Variants in HYDIN observed in about 807,000 individuals in gnomAD.
HYDIN encodes axonemal central pair apparatus protein HYDIN.
In HYDIN, 132 loss-of-function variants were observed where a neutral mutation model predicts 403.9. The ratio of observed to expected loss-of-function variants is 0.33; its 90% CI spans 0.28 to 0.38. The LOEUF (loss-of-function observed/expected upper bound fraction) is 0.38, where lower values mean the gene tolerates loss of function less well. Among genes scored for constraint, HYDIN ranks in the 10% least tolerant of loss-of-function variants. HYDIN has a pLI of 1.00. For synonymous variants in HYDIN, 1,202 were observed against 1,891.7 expected (o/e 0.64, Z 9.46); for missense variants, 2,827 against 5,009.5 (o/e 0.56, Z 13.15).
At chr16:70,883,790 C>G (rs2040955546) in intron 59 of HYDIN, 130 bp downstream of exon 59, 1 of 1,147,106 alleles carries the variant, frequency 8.7e-7, no homozygotes, top group East Asian at 2.5e-5. Flanking sequence ...AGGCTGGTCT[C>G]AAACTCCTGA....
chr16:71,218,156 T>C (rs1469268111), intron 1 of HYDIN, among the ~76,000 whole-genome samples: 1 of 152,230 alleles, frequency 6.6e-6, no homozygotes, highest in Non-Finnish European at 1.5e-5. Flanking sequence ...GCTCCTAGAA[T>C]TTAGCAAGCT....
At chr16:71,163,215 C>T (rs1249626243) in intron 5 of HYDIN, among the ~76,000 whole-genome samples, 3 of 151,536 alleles carry the variant, frequency 2.0e-5, no homozygotes, top group Non-Finnish European at 2.9e-5. Context: ...CTCCGCCTCC[C>T]GGGTTCACGC....
At chr16:71,083,758 ACT>A (rs1198144973) in intron 12 of HYDIN, among the ~76,000 whole-genome samples, 4 of 151,296 alleles carry the variant, frequency 2.6e-5, no homozygotes, top group Non-Finnish European at 5.9e-5. Flanking sequence ...TGTGTCATCC[ACT>A]CTCTGTCCAG....
intron 10 of HYDIN, among the ~76,000 whole-genome samples, chr16:71,100,367 C>G (rs2083421258): frequency 1.3e-5 from 2 of 152,116 alleles, no homozygotes; most frequent in Non-Finnish European, 2.9e-5. Context: ...AAAACGCCAG[C>G]AGGTAGAATT....
intron 23 of HYDIN, among the ~76,000 whole-genome samples, chr16:71,017,800 T>C: frequency 6.6e-6 from 1 of 152,050 alleles, no homozygotes; most frequent in Non-Finnish European, 1.5e-5. Context: ...AAAATAATAA[T>C]TTAAACAATT....
Position 70,978,905 on chromosome 16 carries a change from C to A in HYDIN, c.4638+9G>T, listed in dbSNP as rs1238555818. On this transcript the variant is annotated intron_variant, in intron 30 of 85. Transcript: ENST00000393567. Reference sequence around the variant, plus strand: ...CACAGGCGTCCCGTGCAGGCTGGAGCTGTCTTACCTCAGCAGGCTCGTCTT... The same window carrying A: ...CACAGGCGTCCCGTGCAGGCTGGAGATGTCTTACCTCAGCAGGCTCGTCTT... 1 of 1,612,406 alleles carries A rather than the reference C, an allele frequency of 6.2e-7. No homozygotes were observed. The highest frequency in any genetic ancestry group is 1.3e-5 in the African/African-American group (1 of 74,892).
intron 18 of HYDIN, among the ~76,000 whole-genome samples, chr16:71,032,301 C>CTT (rs1434179327): frequency 1.7e-5 from 2 of 119,468 alleles, no homozygotes; most frequent in African/African-American, 5.9e-5. Flanking sequence ...TTTATTTTTC[C>CTT]TTTTTGTTTT....
In HYDIN at chr16:71,171,403, T is replaced by C. The variant is rs540761087; in HGVS notation, c.516+4204A>G. ...ATTTCTGACATTAAATTGTATATAT[T>C]TGTTTGTTTGTTTATTCATTGTGAA... On this transcript the variant is annotated intron_variant, in intron 5 of 85. Coordinates refer to ENST00000393567, the MANE Select transcript of HYDIN (RefSeq NM_001270974.2). 2.6e-5 allele frequency among the ~76,000 whole-genome samples: 4 copies of C among 152,314 alleles called. No homozygotes were observed. The South Asian group carries it at 8.3e-4, about 32-fold the overall frequency.
In HYDIN at chr16:71,024,133, C is replaced by T. The variant is rs567849745; in HGVS notation, c.3186+1250G>A. On this transcript the variant is annotated intron_variant, in intron 21 of 85. Transcript: ENST00000393567. ...CATTCAGTGGCCAGCATGATGGTTTCAGTGAATCTGACCATGTCACTCCCT... is the reference window on the plus strand; with the variant it reads ...CATTCAGTGGCCAGCATGATGGTTTTAGTGAATCTGACCATGTCACTCCCT... Among the ~76,000 whole-genome samples, 13 of 152,334 alleles carry T rather than the reference C, an allele frequency of 8.5e-5. No individual in the cohort carries two copies. In the East Asian group the frequency reaches 2.5e-3, roughly 29 times the overall value.
intron 6 of HYDIN, among the ~76,000 whole-genome samples, chr16:71,154,775 C>T (rs539863625): frequency 6.7e-6 from 1 of 149,688 alleles, no homozygotes; most frequent in South Asian, 2.2e-4. Flanking sequence ...TGGTTACTAG[C>T]CTGACCTCTG....
At chr16:70,905,143 T>C (rs1314171236) in intron 50 of HYDIN, among the ~76,000 whole-genome samples, 2 of 152,034 alleles carry the variant, frequency 1.3e-5, no homozygotes, top group Non-Finnish European at 2.9e-5. Context: ...GGAGAGAGAA[T>C]GACAGAGACC....
intron 85 of HYDIN, among the ~76,000 whole-genome samples, chr16:70,808,803 G>T (rs2035267424): frequency 6.6e-6 from 1 of 152,190 alleles, no homozygotes; most frequent in East Asian, 1.9e-4. Flanking sequence ...GTGGTCCTGT[G>T]AAGTTTTGTT....
intron 18 of HYDIN, among the ~76,000 whole-genome samples, chr16:71,038,833 A>AT (rs1452283710): frequency 6.7e-6 from 1 of 149,144 alleles, no homozygotes; most frequent in Non-Finnish European, 1.5e-5. Flanking sequence ...TTATTTTTAT[A>AT]TTTTTTGTAG....
chr16:70,894,156 C>T (rs554118834), intron 55 of HYDIN: 14 of 375,916 alleles, frequency 3.7e-5, no homozygotes, highest in South Asian at 1.2e-4. Flanking sequence ...CAGGTACATC[C>T]GGGCCACTTA....
intron 54 of HYDIN, 109 bp downstream of exon 54, chr16:70,895,872 A>C: frequency 7.0e-7 from 1 of 1,438,460 alleles, no homozygotes; most frequent in Non-Finnish European, 9.2e-7. Flanking sequence ...AAATTGCCCC[A>C]TGCCCAATCC....
At chr16:71,119,019 C>T (rs1438840637) in intron 9 of HYDIN, among the ~76,000 whole-genome samples, 1 of 151,742 alleles carries the variant, frequency 6.6e-6, no homozygotes, top group African/African-American at 2.4e-5. Context: ...TGAGAGAACC[C>T]AGGCTAGAGA....
chr16:71,036,192 C>T (rs2081082374), intron 18 of HYDIN, among the ~76,000 whole-genome samples: 1 of 151,380 alleles, frequency 6.6e-6, no homozygotes, highest in South Asian at 2.1e-4. Flanking sequence ...CTTTCAGATC[C>T]TTTGGGAACT....
intron 10 of HYDIN, among the ~76,000 whole-genome samples, chr16:71,094,195 T>C (rs1206597508): frequency 1.3e-5 from 2 of 151,956 alleles, no homozygotes; most frequent in Admixed American, 6.6e-5. Flanking sequence ...ACAAAAGACA[T>C]TCTTTACAAT....
intron 83 of HYDIN, among the ~76,000 whole-genome samples, chr16:70,822,571 G>A (rs941939211): frequency 1.3e-5 from 2 of 152,210 alleles, no homozygotes; most frequent in Non-Finnish European, 2.9e-5. Context: ...TATATTGTGG[G>A]TAAAATGCTT....
Sources: gnomAD v4.1 joint callset for allele counts (sites outside exome capture counted in the v4.1 genomes callset) on GRCh38, gnomAD v4.1.1 for gene constraint, MANE v1.5 for transcripts, NCBI Gene and HGNC (gene_info 2026-07-23, HGNC 2026-07-21) for gene names.